Variants in AGBL4 observed in about 807,000 individuals in gnomAD.
AGBL4 encodes the protein AGBL carboxypeptidase 4.
A neutral mutation model predicts 66.4 loss-of-function variants in AGBL4; 58 were observed. The observed-to-expected ratio is 0.87, with a 90% CI of 0.71 to 1.09. The LOEUF (loss-of-function observed/expected upper bound fraction) is 1.09. AGBL4 is among the 50% of genes least tolerant of loss of function. The pLI, the probability that AGBL4 is intolerant of heterozygous loss-of-function variation, is 0.00. For synonymous variants in AGBL4, 234 were observed against 222.9 expected, an observed-to-expected ratio of 1.05 and a Z score of -0.44; for missense variants, 579 against 631.0, an observed-to-expected ratio of 0.92 and a Z score of 0.88.
chr1:48,700,026 G>T (rs189920047), intron 6 of AGBL4, among the ~76,000 whole-genome samples: 1 of 152,170 alleles, frequency 6.6e-6, no homozygotes, highest in East Asian at 1.9e-4. Context: ...CAATTCACCT[G>T]CCTTGGCCTC....
intron 5 of AGBL4, among the ~76,000 whole-genome samples, chr1:48,901,698 G>A (rs1045906147): frequency 1.3e-5 from 2 of 152,152 alleles, no homozygotes; most frequent in African/African-American, 4.8e-5. Flanking sequence ...TCTAGAAAAT[G>A]CAAACTATAG....
chr1:49,879,323 G>A (rs1368362383), intron 1 of AGBL4, among the ~76,000 whole-genome samples: 11 of 150,966 alleles, frequency 7.3e-5, no homozygotes, highest in African/African-American at 1.7e-4. Flanking sequence ...CATGTTTAGC[G>A]CTTCCTTCAG....
intron 8 of AGBL4, 81 bp from the exon 9 acceptor site, chr1:48,634,685 AG>A: frequency 1.1e-6 from 1 of 926,950 alleles, no homozygotes; most frequent in Non-Finnish European, 1.6e-6. Flanking sequence ...TATGAGTAGG[AG>A]CAGTGATTAT....
chr1:49,637,344 A>T (rs1645694966), intron 3 of AGBL4, among the ~76,000 whole-genome samples: 1 of 151,974 alleles, frequency 6.6e-6, no homozygotes, highest in African/African-American at 2.4e-5. Context: ...TCTGTCACCC[A>T]GGCTGGAGTG....
chr1:49,839,346 C>G (rs2148035657), intron 2 of AGBL4, among the ~76,000 whole-genome samples: 1 of 152,146 alleles, frequency 6.6e-6, no homozygotes, highest in East Asian at 1.9e-4. Flanking sequence ...AATATTTCTC[C>G]AGCAGAATTT....
intron 3 of AGBL4, among the ~76,000 whole-genome samples, chr1:49,524,541 C>T (rs1650509920): frequency 2.0e-5 from 3 of 152,192 alleles, no homozygotes; most frequent in South Asian, 4.1e-4. Flanking sequence ...TATATCTGGC[C>T]TCTGGACTGA....
At chr1:48,749,492 G>A (rs1364512127) in intron 6 of AGBL4, among the ~76,000 whole-genome samples, 1 of 152,158 alleles carries the variant, frequency 6.6e-6, no homozygotes, top group African/African-American at 2.4e-5. Context: ...TCACATAGGT[G>A]GTGAGTGCTC....
At chr1:49,693,905 T>C (rs1228644027) in intron 3 of AGBL4, among the ~76,000 whole-genome samples, 1 of 152,106 alleles carries the variant, frequency 6.6e-6, no homozygotes, top group Non-Finnish European at 1.5e-5. Flanking sequence ...AAATCACCTT[T>C]CCATAAAGGA....
intron 4 of AGBL4, among the ~76,000 whole-genome samples, chr1:49,081,320 C>T (rs1644804923): frequency 6.6e-6 from 1 of 152,150 alleles, no homozygotes. Flanking sequence ...GGGATAAAGT[C>T]CCAGCTCTAC....
intron 5 of AGBL4, among the ~76,000 whole-genome samples, chr1:48,967,073 C>T (rs371125103): frequency 5.2e-5 from 2 of 38,130 alleles, no homozygotes; most frequent in East Asian, 6.1e-4. Flanking sequence ...TACACAAAGA[C>T]ACACACACAC....
chr1:50,002,832 T>C (rs1401313684), intron 1 of AGBL4, among the ~76,000 whole-genome samples: 3 of 152,198 alleles, frequency 2.0e-5, no homozygotes, highest in African/African-American at 7.2e-5. Flanking sequence ...AGCCTCAAAT[T>C]TCCTATGTTC....
intron 3 of AGBL4, among the ~76,000 whole-genome samples, chr1:49,465,287 T>C (rs1646605766): frequency 6.7e-6 from 1 of 148,642 alleles, no homozygotes; most frequent in African/African-American, 2.5e-5. Flanking sequence ...TGGTTCTGGG[T>C]GCCAAGAATT....
intron 5 of AGBL4, among the ~76,000 whole-genome samples, chr1:48,973,367 C>G (rs1336876883): frequency 1.3e-5 from 2 of 152,106 alleles, no homozygotes; most frequent in South Asian, 2.1e-4. Context: ...CTTCCAACTT[C>G]CTAATGAAAC....
intron 1 of AGBL4, among the ~76,000 whole-genome samples, chr1:49,997,015 G>A (rs1660418748): frequency 6.6e-6 from 1 of 152,118 alleles, no homozygotes; most frequent in Admixed American, 6.5e-5. Flanking sequence ...GAGAGGATTT[G>A]CCAAAATCAA....
At chr1:48,581,330 C>A (rs1265554072) in intron 11 of AGBL4, among the ~76,000 whole-genome samples, 1 of 152,178 alleles carries the variant, frequency 6.6e-6, no homozygotes. Flanking sequence ...TTGACCACAT[C>A]AGCCATACCC....
intron 5 of AGBL4, among the ~76,000 whole-genome samples, chr1:48,898,691 G>C (rs975770258): frequency 6.6e-6 from 1 of 151,946 alleles, no homozygotes; most frequent in African/African-American, 2.4e-5. Context: ...TTAGGTATTA[G>C]AGCTTTGTAG....
At position 49,954,632 on chromosome 1, in the gene AGBL4, A is replaced by C. The variant is rs192582357; in HGVS notation, c.34+69131T>G. ...CTGTTATAGTAGCAAAAATGAACTA[A>C]GACATTTCATATGGCACTATAACTA... is the stretch of plus-strand genomic sequence containing the variant. On this transcript the variant is annotated intron_variant, in intron 1 of 13. Transcript: ENST00000371839. Among the ~76,000 whole-genome samples the C allele has an allele frequency of 2.5e-4, 38 of 152,098 alleles. No individual in the cohort carries two copies. In the East Asian group the frequency reaches 7.0e-3, roughly 28 times the overall value.
chr1:49,226,314 G>T (rs1303386908), intron 4 of AGBL4, among the ~76,000 whole-genome samples: 1 of 152,144 alleles, frequency 6.6e-6, no homozygotes, highest in African/African-American at 2.4e-5. Context: ...GGATTAAGGT[G>T]CACAAAGATA....
At chr1:49,535,893 G>A (rs1028964133) in intron 3 of AGBL4, among the ~76,000 whole-genome samples, 3 of 152,162 alleles carry the variant, frequency 2.0e-5, no homozygotes, top group South Asian at 2.1e-4. Flanking sequence ...GGGTTTCACC[G>A]TGTTAGCCAG....
Sources: gnomAD v4.1 joint callset for allele counts (sites outside exome capture counted in the v4.1 genomes callset) on GRCh38, gnomAD v4.1.1 for gene constraint, MANE v1.5 for transcripts, NCBI Gene and HGNC (gene_info 2026-07-23, HGNC 2026-07-21) for gene names.